ADGRL2: variants seen among roughly 807,000 people sequenced by gnomAD.
The protein encoded by ADGRL2 is adhesion G protein-coupled receptor L2, also known as calcium-independent alpha-latrotoxin receptor 2.
Under a neutral mutation model 157.4 loss-of-function variants are expected in ADGRL2, and 44 were observed. The observed-to-expected ratio is 0.28, with a 90% CI of 0.22 to 0.36. The LOEUF is 0.36. Among genes scored for constraint, ADGRL2 ranks in the 10% least tolerant of loss-of-function variants. ADGRL2 has a pLI of 1.00. For synonymous variants in ADGRL2, 585 were observed against 624.7 expected (o/e 0.94, Z 0.95); for missense variants, 1,510 against 1,768.9 (o/e 0.85, Z 2.63).
intron 2 of ADGRL2, among the ~76,000 whole-genome samples, chr1:81,839,918 T>G (rs1198799672): frequency 2.3e-5 from 3 of 128,814 alleles, no homozygotes; most frequent in African/African-American, 6.0e-5. Flanking sequence ...TTCCATCATA[T>G]ATATATGATG....
At chr1:81,844,160 T>A (rs182856108) in intron 2 of ADGRL2, among the ~76,000 whole-genome samples, 50 of 152,322 alleles carry the variant, frequency 3.3e-4, no homozygotes, top group African/African-American at 1.2e-3. Context: ...AAAAAGGTTA[T>A]TAGCTCATGC....
chr1:81,708,341 C>T (rs534878677), intron 1 of ADGRL2, among the ~76,000 whole-genome samples: 20 of 152,104 alleles, frequency 1.3e-4, no homozygotes, highest in Non-Finnish European at 2.6e-4. Flanking sequence ...AAGCATTTGT[C>T]AGGGTTATTT....
At chr1:81,920,399 C>T (rs138480155) in intron 3 of ADGRL2, among the ~76,000 whole-genome samples, 38 of 152,234 alleles carry the variant, frequency 2.5e-4, no homozygotes, top group African/African-American at 8.9e-4. Flanking sequence ...CTCCCACGTT[C>T]GCCTTTCAGG....
At chr1:81,413,620 G>T (rs2076985514) in intron 1 of ADGRL2, among the ~76,000 whole-genome samples, 1 of 152,176 alleles carries the variant, frequency 6.6e-6, no homozygotes, top group South Asian at 2.1e-4. Context: ...AGTTGTTTTG[G>T]ATGACTACTT....
At chr1:81,503,605 G>A in intron 2 of ADGRL2, 3 of 943,596 alleles carry the variant, frequency 3.2e-6, no homozygotes, top group Non-Finnish European at 4.7e-6. Flanking sequence ...GGACGTGTCC[G>A]TCTGTCCAGG....
intron 1 of ADGRL2, among the ~76,000 whole-genome samples, chr1:81,327,514 C>G (rs1660984050): frequency 6.6e-6 from 1 of 152,166 alleles, no homozygotes. Context: ...CATATAATTA[C>G]AGTAACTATG....
chr1:81,353,872 T>G (rs563661446), intron 1 of ADGRL2, among the ~76,000 whole-genome samples: 1 of 152,160 alleles, frequency 6.6e-6, no homozygotes, highest in Non-Finnish European at 1.5e-5. Context: ...AGTGAAATCA[T>G]GCGAAAGGGC....
intron 1 of ADGRL2, among the ~76,000 whole-genome samples, chr1:81,817,054 A>G (rs956395491): frequency 6.6e-6 from 1 of 151,736 alleles, no homozygotes; most frequent in Non-Finnish European, 1.5e-5. Flanking sequence ...CCACATAATA[A>G]ATGAACGTTA....
intron 1 of ADGRL2, among the ~76,000 whole-genome samples, chr1:81,335,743 A>G (rs1182144090): frequency 2.0e-5 from 3 of 152,000 alleles, no homozygotes; most frequent in African/African-American, 7.3e-5. Context: ...ACTGATTTGG[A>G]GATTCATCCC....
At chr1:81,316,549 A>G (rs988753185) in intron 1 of ADGRL2, among the ~76,000 whole-genome samples, 6 of 152,190 alleles carry the variant, frequency 3.9e-5, no homozygotes, top group Non-Finnish European at 8.8e-5. Context: ...GAGGAAAATA[A>G]TGAAACTTCA....
chr1:81,843,477 G>A (rs913337522), intron 2 of ADGRL2, among the ~76,000 whole-genome samples: 2 of 152,068 alleles, frequency 1.3e-5, no homozygotes, highest in Non-Finnish European at 2.9e-5. Flanking sequence ...ATTGCTCTTA[G>A]GACACTTTAG....
intron 2 of ADGRL2, among the ~76,000 whole-genome samples, chr1:81,532,972 CATCT>C (rs142768526): frequency 0.049 from 6,679 of 137,470 alleles, 358 homozygotes; most frequent in East Asian, 0.22. Context: ...ATCTATCTAT[CATCT>C]ATCTATCTAT....
At chr1:81,847,093 G>T (rs2092821786) in intron 2 of ADGRL2, among the ~76,000 whole-genome samples, 1 of 151,722 alleles carries the variant, frequency 6.6e-6, no homozygotes, top group African/African-American at 2.4e-5. Context: ...CATTGCACTG[G>T]TAGGAAGGCT....
At position 81,985,343 on chromosome 1, in the gene ADGRL2, A is replaced by G. The variant is rs760883063; in HGVS notation, c.3496A>G (p.Thr1166Ala). 3 of 1,594,098 alleles carry G rather than the reference A, an allele frequency of 1.9e-6. No individual in the cohort carries two copies. Among genetic ancestry groups the G allele is most frequent in the African/African-American group, 1.3e-5 (1 of 74,418 alleles). ...FISGDINSTSTLNQGMTGNYL... is the reference protein window; with the variant it reads ...FISGDINSTSALNQGMTGNYL... ...CTCAGGTGACATCAATAGCACTTCA[A>G]CACTTAATCAAGGTCAGTTATCAGG... Residue 1166 changes from threonine to alanine, a missense_variant, in exon 21 of 24, where the codon ACA (threonine) becomes GCA (alanine). Physicochemically the swap from Thr to Ala is moderately conservative, Grantham distance 58. This residue lies in a region of ADGRL2 where 497 missense variants were observed against 627.2 expected (regional missense o/e 0.79). Coordinates refer to ENST00000686636, the MANE Select transcript of ADGRL2 (RefSeq NM_001366006.2).
At chr1:81,846,601 G>T (rs1465968511) in intron 2 of ADGRL2, among the ~76,000 whole-genome samples, 1 of 151,846 alleles carries the variant, frequency 6.6e-6, no homozygotes, top group Non-Finnish European at 1.5e-5. Context: ...TACAGGGTGC[G>T]TCTTACTATT....
At chr1:81,470,714 T>G (rs1285780646) in intron 2 of ADGRL2, among the ~76,000 whole-genome samples, 1 of 152,204 alleles carries the variant, frequency 6.6e-6, no homozygotes, top group Non-Finnish European at 1.5e-5. Context: ...CACATGATGA[T>G]GGATGTCAAG....
rs1557965888 is a variant in ADGRL2, at chr1:81,943,708, G to C, written c.1149G>C (p.Val383=). 6.2e-7 allele frequency: 1 copy of C among 1,613,600 alleles called. No individual in the cohort carries two copies. The highest frequency in any genetic ancestry group is 8.5e-7 in the Non-Finnish European group (1 of 1,179,634). The stretch of plus-strand genomic sequence containing the variant: ...ATCCAAGAGATAACCAACTTTACGT[G>C]TGGAACAATAACTTCATTTTACGAT... ...DYNPRDNQLY[V]WNNNFILRYS... Residue 383 remains valine, a synonymous_variant, in exon 6 of 24, where the codon GTG becomes GTC. Transcript: ENST00000686636. This position sits in a 1 kb window ranked among gnomAD's most constrained non-coding sequence, Gnocchi z 5.6.
intron 2 of ADGRL2, among the ~76,000 whole-genome samples, chr1:81,490,922 G>A (rs534389534): frequency 6.6e-6 from 1 of 152,254 alleles, no homozygotes; most frequent in East Asian, 1.9e-4. Context: ...ATAAAACAGT[G>A]AAGTATTCTA....
intron 2 of ADGRL2, chr1:81,557,431 A>AG: frequency 7.3e-6 from 1 of 136,078 alleles, no homozygotes; most frequent in African/African-American, 2.8e-5. Context: ...GAGAGAGAGA[A>AG]AAAGAAAGAA....
Sources: allele counts gnomAD v4.1 joint callset (sites outside exome capture counted in the v4.1 genomes callset), GRCh38; gene constraint gnomAD v4.1.1; regional missense constraint gnomAD v4.1.1; non-coding constraint Gnocchi (gnomAD v3.1); transcripts MANE v1.5; gene names NCBI Gene and HGNC (gene_info 2026-07-23, HGNC 2026-07-21).